Variants in CEP112 observed in about 807,000 individuals in gnomAD.
CEP112 encodes centrosomal protein 112.
A neutral mutation model predicts 153.0 loss-of-function variants in CEP112; 127 were observed. The observed-to-expected ratio is 0.83, with a 90% CI of 0.72 to 0.96. CEP112 has a LOEUF of 0.96. CEP112 is among the 40% of genes least tolerant of loss of function. The pLI is 0.00. For missense variants in CEP112, 1,089 were observed against 1,101.2 expected, an observed-to-expected ratio of 0.99 and a Z score of 0.16; for synonymous variants, 358 against 374.4, an observed-to-expected ratio of 0.96 and a Z score of 0.51.
intron 18 of CEP112, among the ~76,000 whole-genome samples, chr17:65,950,041 CTTAG>C (rs2061770902): frequency 6.6e-6 from 1 of 152,004 alleles, no homozygotes; most frequent in African/African-American, 2.4e-5. Context: ...AAAAAATAGC[CTTAG>C]AAGTAGAATC....
intron 24 of CEP112, among the ~76,000 whole-genome samples, chr17:65,645,125 A>G (rs1049610159): frequency 3.3e-5 from 5 of 151,684 alleles, no homozygotes; most frequent in African/African-American, 1.2e-4. Flanking sequence ...ATATACTTAT[A>G]TGTATTTTTT....
At chr17:66,025,982 A>C (rs1287373447) in intron 16 of CEP112, among the ~76,000 whole-genome samples, 1 of 130,944 alleles carries the variant, frequency 7.6e-6, no homozygotes, top group Non-Finnish European at 1.7e-5. Flanking sequence ...ACACACACAC[A>C]CCCCATTTGT....
intron 20 of CEP112, among the ~76,000 whole-genome samples, chr17:65,895,301 A>T (rs35625078): frequency 6.6e-6 from 1 of 151,908 alleles, no homozygotes; most frequent in Admixed American, 6.6e-5. Context: ...GACCCAGCAG[A>T]GAGCTTGGCA....
At chr17:65,795,327 T>C (rs1322621883) in intron 21 of CEP112, among the ~76,000 whole-genome samples, 1 of 152,224 alleles carries the variant, frequency 6.6e-6, no homozygotes, top group Non-Finnish European at 1.5e-5. Context: ...GCCAAGGCTT[T>C]GCATAATTAC....
chr17:66,176,512 G>A (rs557300966), intron 3 of CEP112: 13 of 185,512 alleles, frequency 7.0e-5, no homozygotes, highest in Non-Finnish European at 9.9e-5. Context: ...AGAATTTACT[G>A]AATTACGTAA....
chr17:65,967,303 G>A (rs2062449521), intron 17 of CEP112, among the ~76,000 whole-genome samples: 1 of 152,190 alleles, frequency 6.6e-6, no homozygotes, highest in Non-Finnish European at 1.5e-5. Context: ...TGTCAGCTAG[G>A]ACGTCTATAA....
intron 19 of CEP112, among the ~76,000 whole-genome samples, chr17:65,908,835 T>G (rs1369845106): frequency 6.6e-6 from 1 of 152,218 alleles, no homozygotes; most frequent in Non-Finnish European, 1.5e-5. Context: ...ACGAAATCCT[T>G]CTACAGCTTG....
chr17:65,858,870 T>C (rs2058210144), intron 20 of CEP112, among the ~76,000 whole-genome samples: 1 of 152,302 alleles, frequency 6.6e-6, no homozygotes, highest in South Asian at 2.1e-4. Context: ...TAAGAATTTA[T>C]AAGCCACAAA....
chr17:65,772,351 C>A (rs1039866878), intron 21 of CEP112, among the ~76,000 whole-genome samples: 2 of 152,038 alleles, frequency 1.3e-5, no homozygotes, highest in Non-Finnish European at 2.9e-5. Flanking sequence ...TGATAAATTT[C>A]TAGATGTATA....
intron 20 of CEP112, among the ~76,000 whole-genome samples, chr17:65,890,900 C>T (rs2059439644): frequency 6.6e-6 from 1 of 152,100 alleles, no homozygotes; most frequent in Non-Finnish European, 1.5e-5. Flanking sequence ...TCTCCTATAC[C>T]ACGCAGCCTT....
At chr17:65,832,424 AAAAAAAAACT>A (rs1272040771) in intron 21 of CEP112, among the ~76,000 whole-genome samples, 2 of 151,794 alleles carry the variant, frequency 1.3e-5, no homozygotes, top group Admixed American at 1.3e-4. Flanking sequence ...TTTGGAAAAA[AAAAAAAAACT>A]AAAAAGACAG....
At position 65,685,835 on chromosome 17, in the gene CEP112, G is replaced by C. The variant is rs539523443; in HGVS notation, c.2697+3294C>G. Among the ~76,000 whole-genome samples, 9 of 152,052 alleles carry C rather than the reference G, an allele frequency of 5.9e-5. No individual in the cohort carries two copies. The South Asian group carries it at 1.2e-3, about 21-fold the overall frequency. On this transcript the variant is annotated intron_variant, in intron 24 of 26. Transcript: ENST00000535342. ...TTATAGGCGCCCGCCACCACGCCTG[G>C]CTAATTTTTGTATTTTTAGTAGAGA...
At chr17:65,830,524 G>A (rs1445765302) in intron 21 of CEP112, among the ~76,000 whole-genome samples, 3 of 152,190 alleles carry the variant, frequency 2.0e-5, no homozygotes, top group African/African-American at 7.2e-5. Context: ...GTGAACTGGG[G>A]ACAAACAGCC....
intron 21 of CEP112, among the ~76,000 whole-genome samples, chr17:65,847,676 C>T (rs1423274415): frequency 6.6e-6 from 1 of 152,124 alleles, no homozygotes; most frequent in Non-Finnish European, 1.5e-5. Flanking sequence ...GTCCTGCTAA[C>T]AGAGCTTATG....
chr17:65,637,410 C>T (rs752642835), intron 25 of CEP112, among the ~76,000 whole-genome samples: 3 of 152,198 alleles, frequency 2.0e-5, no homozygotes, highest in Non-Finnish European at 4.4e-5. Context: ...CATTGCAGAG[C>T]CATTTTGATC....
intron 21 of CEP112, among the ~76,000 whole-genome samples, chr17:65,811,004 G>A (rs1183022078): frequency 6.6e-6 from 1 of 152,238 alleles, no homozygotes; most frequent in Admixed American, 6.5e-5. Context: ...GAACAGAAAT[G>A]AAAAGGCAGT....
At chr17:65,992,034 A>G (rs1410956499) in intron 17 of CEP112, among the ~76,000 whole-genome samples, 2 of 148,986 alleles carry the variant, frequency 1.3e-5, no homozygotes, top group African/African-American at 5.0e-5. Context: ...AAAAAAAAAA[A>G]CAAACCTAAT....
intron 21 of CEP112, among the ~76,000 whole-genome samples, chr17:65,793,932 C>T (rs946839836): frequency 2.0e-5 from 3 of 152,080 alleles, no homozygotes; most frequent in Non-Finnish European, 2.9e-5. Flanking sequence ...TCCATAGCTA[C>T]GAAGCAGTGA....
Position 66,092,076 on chromosome 17 carries a change from C to G in CEP112, c.768+4175G>C, listed in dbSNP as rs540587900. Among the ~76,000 whole-genome samples the G allele has an allele frequency of 8.8e-5, 13 of 147,974 alleles. No individual in the cohort carries two copies. In the East Asian group the frequency reaches 2.0e-3, roughly 23 times the overall value. On this transcript the variant is annotated intron_variant, in intron 8 of 26. Coordinates refer to ENST00000535342, the MANE Select transcript of CEP112 (RefSeq NM_001199165.4). Reference sequence around the variant, plus strand: ...TTTTTTTTGAGATGGGAGTCTTGCTCTATCACCCAGGCTGGAGTGCAGTAG... The same window carrying G: ...TTTTTTTTGAGATGGGAGTCTTGCTGTATCACCCAGGCTGGAGTGCAGTAG...
Sources: gnomAD v4.1 joint callset for allele counts (sites outside exome capture counted in the v4.1 genomes callset) on GRCh38, gnomAD v4.1.1 for gene constraint, MANE v1.5 for transcripts, NCBI Gene and HGNC (gene_info 2026-07-23, HGNC 2026-07-21) for gene names.